Variants in SYNE1 observed in about 807,000 individuals in gnomAD.
The protein encoded by SYNE1 is nesprin-1.
Under a neutral mutation model 1,111.0 loss-of-function variants are expected in SYNE1, and 616 were observed. The observed-to-expected ratio is 0.55, with a 90% CI of 0.52 to 0.59. The LOEUF is 0.59. Ranked by LOEUF, SYNE1 falls within the 20% of genes least tolerant of loss-of-function variation. The probability of loss-of-function intolerance (pLI) is 0.00; values close to 1 mark genes in which losing one functional copy is unlikely to be tolerated. For missense variants in SYNE1, 10,006 were observed against 10,417.0 expected, an observed-to-expected ratio of 0.96 and a Z score of 1.72; for synonymous variants, 3,855 against 3,825.8, an observed-to-expected ratio of 1.01 and a Z score of -0.28.
chr6:152,470,575 A>T (rs1181000674), intron 16 of SYNE1, among the ~76,000 whole-genome samples: 1 of 152,166 alleles, frequency 6.6e-6, no homozygotes, highest in African/African-American at 2.4e-5. Flanking sequence ...AAGCAGTTAA[A>T]TCATTTTTTT....
chr6:152,238,934 C>T (rs368139210), intron 108 of SYNE1, among the ~76,000 whole-genome samples: 1 of 151,322 alleles, frequency 6.6e-6, no homozygotes, highest in African/African-American at 2.4e-5. Flanking sequence ...GTTTTACTCC[C>T]GTTGCCCAGG....
At chr6:152,281,452 A>G (rs573905902) in intron 97 of SYNE1, among the ~76,000 whole-genome samples, 1 of 152,304 alleles carries the variant, frequency 6.6e-6, no homozygotes, top group African/African-American at 2.4e-5. Flanking sequence ...ACCTAGAGAT[A>G]CTTCCTGTTG....
At chr6:152,135,656 C>T (rs558509238) in intron 141 of SYNE1, among the ~76,000 whole-genome samples, 8 of 152,276 alleles carry the variant, frequency 5.3e-5, no homozygotes, top group East Asian at 3.9e-4. Flanking sequence ...ATTCAACATA[C>T]AGTTACTAAA....
chr6:152,141,505 C>T (rs1409146404), intron 138 of SYNE1, among the ~76,000 whole-genome samples, 176 bp from the exon 139 acceptor site: 1 of 152,166 alleles, frequency 6.6e-6, no homozygotes, highest in Non-Finnish European at 1.5e-5. Context: ...GCCTGTGATC[C>T]CAGCACTTTG....
intron 101 of SYNE1, among the ~76,000 whole-genome samples, chr6:152,257,122 G>A (rs542891228): frequency 6.6e-6 from 1 of 152,270 alleles, no homozygotes; most frequent in East Asian, 1.9e-4. Context: ...GCAAAGAAGT[G>A]ATAAATGTTT....
intron 9 of SYNE1, 72 bp downstream of exon 9, chr6:152,505,129 T>C (rs2099050918): frequency 1.3e-6 from 2 of 1,523,646 alleles, no homozygotes; most frequent in Admixed American, 1.7e-5. Flanking sequence ...GGAAGTCATG[T>C]GTATTTCTGG....
chr6:152,413,501 T>C lies in SYNE1; in HGVS notation c.6081A>G (p.Glu2027=), dbSNP rs1279228115. 1 of 1,614,190 alleles carries C rather than the reference T, an allele frequency of 6.2e-7. No individual in the cohort carries two copies. The highest frequency in any genetic ancestry group is 2.2e-5 in the East Asian group (1 of 44,872). ...RLRVFNQLED[E]LNSHEHELCW... ...ATAGTTCATGCTCGTGAGAATTCAA[T>C]TCATCTTCTAGCTGATTAAACACTC... is the stretch of plus-strand genomic sequence containing the variant. The change falls in exon 42 of 146, where the codon GAA becomes GAG. Residue 2027 remains glutamate (E), a synonymous_variant. Transcript: ENST00000367255.
intron 74 of SYNE1, among the ~76,000 whole-genome samples, chr6:152,342,709 C>A (rs1388244039): frequency 2.6e-5 from 4 of 152,108 alleles, no homozygotes; most frequent in Non-Finnish European, 4.4e-5. Context: ...TATTTTCCCA[C>A]GGAGTCAACA....
chr6:152,293,438 T>C, intron 95 of SYNE1, 150 bp downstream of exon 95: 1 of 745,330 alleles, frequency 1.3e-6, no homozygotes, highest in Non-Finnish European at 2.3e-6. Context: ...TGACCACCAT[T>C]AGGACCCTTG....
chr6:152,561,612 C>A lies in SYNE1; in HGVS notation c.68-21591G>T, dbSNP rs116948894. 5.7e-3 allele frequency among the ~76,000 whole-genome samples: 868 copies of A among 151,876 alleles called. 4 individuals are homozygous for A. Among genetic ancestry groups the A allele is most frequent in the South Asian group, 0.011 (54 of 4,804 alleles). ...TATGGAACCATCAAAGACCATGAAG[C>A]AATTTTAAGGAAAAAGAACAAAGCT... On this transcript the variant is annotated intron_variant, in intron 3 of 145. Coordinates refer to ENST00000367255, the MANE Select transcript of SYNE1 (RefSeq NM_182961.4).
At position 152,498,764 on chromosome 6, in the gene SYNE1, G is replaced by T. The variant is rs748766066; in HGVS notation, c.917C>A (p.Ala306Glu). Residue 306 changes from alanine to glutamate, a missense_variant, in exon 11 of 146, where the codon GCA (alanine) becomes GAA (glutamate). By Grantham distance (107) the Ala-to-Glu change is moderately radical (BLOSUM62 -1). Around this residue, in one of 7 missense-constraint regions of SYNE1, gnomAD observed 1,971 missense variants for 2,084.1 expected, o/e 0.95. Coordinates refer to ENST00000367255, the MANE Select transcript of SYNE1 (RefSeq NM_182961.4). ...TACCTTAAAATTTTGTACAGAATTT[G>T]CAAAAGATGGGAAACCTGGAAGTAT... ...DEILPGFPSF[A>E]NSVQNFKRED... 6.4e-7 allele frequency: 1 copy of T among 1,554,976 alleles called. No individual in the cohort carries two copies. Among genetic ancestry groups the T allele is most frequent in the South Asian group, 1.2e-5 (1 of 82,058 alleles).
chr6:152,395,501 A>T lies in SYNE1; in HGVS notation c.7712+15T>A. 6.2e-7 allele frequency: 1 copy of T among 1,610,896 alleles called. No homozygotes were observed. Among genetic ancestry groups the T allele is most frequent in the Non-Finnish European group, 8.5e-7 (1 of 1,178,372 alleles). On this transcript the variant is annotated intron_variant, in intron 51 of 145. Coordinates refer to ENST00000367255, the MANE Select transcript of SYNE1 (RefSeq NM_182961.4). ...TGGTAAGAGGTAAAGGACCTGTTCC[A>T]TTTCTGGACCATACCTTGCAGCCAG... is the stretch of plus-strand genomic sequence containing the variant.
intron 6 of SYNE1, among the ~76,000 whole-genome samples, chr6:152,515,164 G>A (rs2099105378): frequency 6.6e-6 from 1 of 151,592 alleles, no homozygotes; most frequent in East Asian, 1.9e-4. Flanking sequence ...GGAGGTTGCA[G>A]TGAGCCTAGT....
At chr6:152,621,959 G>C (rs537439853) in intron 3 of SYNE1, among the ~76,000 whole-genome samples, 2 of 152,072 alleles carry the variant, frequency 1.3e-5, no homozygotes, top group African/African-American at 2.4e-5. Flanking sequence ...AGGTAAAGTA[G>C]GACCCAATGT....
In SYNE1 at chr6:152,215,012, T is replaced by C; in HGVS notation, c.22240A>G (p.Asn7414Asp). 1 of 1,614,168 alleles carries C rather than the reference T, an allele frequency of 6.2e-7. No individual in the cohort carries two copies. Among genetic ancestry groups the C allele is most frequent in the South Asian group, 1.1e-5 (1 of 91,084 alleles). ...SSMAPDLDRL[N>D]ELGYRLPLND... Reference sequence around the variant, plus strand: ...AAGGGTAACCTATATCCAAGCTCATTTAGACGGTCTAAATCTGGAGCCATG... The same window carrying C: ...AAGGGTAACCTATATCCAAGCTCATCTAGACGGTCTAAATCTGGAGCCATG... Residue 7414 changes from asparagine (N) to aspartate (D), a missense_variant, in exon 122 of 146, where the codon AAT becomes GAT. Physicochemically the swap from Asn to Asp is conservative, Grantham distance 23 (BLOSUM62 1). Transcript: ENST00000367255.
chr6:152,381,972 C>G (rs955645969), intron 55 of SYNE1, among the ~76,000 whole-genome samples: 2 of 152,304 alleles, frequency 1.3e-5, no homozygotes, highest in Admixed American at 6.5e-5. Flanking sequence ...AACCTCTAGA[C>G]TGAGTACATT....
chr6:152,316,665 C>G, intron 87 of SYNE1, 184 bp downstream of exon 87: 1 of 647,072 alleles, frequency 1.5e-6, no homozygotes, highest in Non-Finnish European at 2.6e-6. Flanking sequence ...TATTCAATTT[C>G]ATGAAATTTC....
chr6:152,176,576 C>G lies in SYNE1; in HGVS notation c.23461-16G>C. ...CTTGATAATCCTGTGTAATAAATAG[C>G]AATCACAGAGGTCAGAAAGCATATT... On this transcript the variant is annotated splice_polypyrimidine_tract_variant and intron_variant, in intron 129 of 145. Coordinates refer to ENST00000367255, the MANE Select transcript of SYNE1 (RefSeq NM_182961.4). 1 of 1,613,164 alleles carries G rather than the reference C, an allele frequency of 6.2e-7. No homozygotes were observed. The highest frequency in any genetic ancestry group is 8.5e-7 in the Non-Finnish European group (1 of 1,179,232).
intron 73 of SYNE1, 103 bp downstream of exon 73, chr6:152,346,956 A>G: frequency 7.0e-7 from 1 of 1,421,674 alleles, no homozygotes. Flanking sequence ...CACCAAAACG[A>G]ATCCAAAGAT....
Sources: allele counts gnomAD v4.1 joint callset (sites outside exome capture counted in the v4.1 genomes callset), GRCh38; gene constraint gnomAD v4.1.1; regional missense constraint gnomAD v4.1.1; transcripts MANE v1.5; gene names NCBI Gene and HGNC (gene_info 2026-07-23, HGNC 2026-07-21).